Variants in HTR2A observed in about 807,000 individuals in gnomAD.
HTR2A encodes 5-hydroxytryptamine receptor 2A, also known as 5-HT2 receptor.
Under a neutral mutation model 31.0 loss-of-function variants are expected in HTR2A, and 14 were observed. The ratio of observed to expected loss-of-function variants is 0.45; its 90% CI spans 0.30 to 0.71. The LOEUF (loss-of-function observed/expected upper bound fraction) is 0.71. HTR2A is among the 30% of genes least tolerant of loss of function. The pLI, the probability that HTR2A is intolerant of heterozygous loss-of-function variation, is 0.09. For missense variants in HTR2A, 442 were observed against 573.3 expected (o/e 0.77, Z 2.34); for synonymous variants, 209 against 225.2 (o/e 0.93, Z 0.64).
rs1274149032 is a variant in HTR2A at position 46,895,582 on chromosome 13, T to G, written c.325A>C (p.Thr109Pro). 6.2e-7 allele frequency: 1 copy of G among 1,614,102 alleles called. No individual in the cohort carries two copies. Among genetic ancestry groups the G allele is most frequent in the Admixed American group, 1.7e-5 (1 of 60,012 alleles). Reference protein sequence around the residue: ...VSLEKKLQNATNYFLMSLAIA... With the variant: ...VSLEKKLQNAPNYFLMSLAIA... Reference sequence around the variant, plus strand: ...GCAAGTGACATCAGGAAATAGTTGGTGGCATTCTGCAGCTTTTTCTCTAGG... The same window carrying G: ...GCAAGTGACATCAGGAAATAGTTGGGGGCATTCTGCAGCTTTTTCTCTAGG... The change falls in exon 2 of 4, where the codon ACC (threonine) becomes CCC (proline). Residue 109 changes from threonine (T) to proline (P), a missense_variant. Thr to Pro is a conservative substitution (Grantham distance 38). This residue lies in a region of HTR2A where 86 missense variants were observed against 179.1 expected (regional missense o/e 0.48). Transcript: ENST00000542664. This position sits in a 1 kb window ranked among gnomAD's most constrained non-coding sequence, Gnocchi z 4.4.
intron 3 of HTR2A, among the ~76,000 whole-genome samples, chr13:46,849,739 T>C (rs1200202199): frequency 6.6e-6 from 1 of 152,226 alleles, no homozygotes; most frequent in Non-Finnish European, 1.5e-5. Flanking sequence ...TGAGTCACTC[T>C]GTAGCGGATT....
chr13:46,891,198 T>C lies in HTR2A; in HGVS notation c.613+1192A>G, dbSNP rs571305704. Among the ~76,000 whole-genome samples the C allele has an allele frequency of 6.6e-5, 10 of 152,314 alleles. No homozygotes were observed. The South Asian group carries it at 2.1e-3, about 32-fold the overall frequency. On this transcript the variant is annotated intron_variant, in intron 3 of 3. Transcript: ENST00000542664. The stretch of plus-strand genomic sequence containing the variant: ...TAGAATCTTCTATCTCAAACGGTAA[T>C]GGGAAATTTAAAATAGGAAGTAGGT...
intron 3 of HTR2A, among the ~76,000 whole-genome samples, chr13:46,866,993 T>A (rs184562825): frequency 6.6e-6 from 1 of 152,134 alleles, no homozygotes; most frequent in African/African-American, 2.4e-5. Context: ...GCCACTGCAC[T>A]CCAGCCTGGG....
chr13:46,880,540 A>G (rs1240990076), intron 3 of HTR2A, among the ~76,000 whole-genome samples: 13 of 152,276 alleles, frequency 8.5e-5, no homozygotes, highest in African/African-American at 2.9e-4. Context: ...CAGACTAACA[A>G]AAAATGAAGC....
intron 3 of HTR2A, among the ~76,000 whole-genome samples, chr13:46,882,229 T>TAA (rs10648117): frequency 0.8 from 118,727 of 148,590 alleles, 47,395 homozygotes; most frequent in East Asian, 0.86. Context: ...TCAGGGAAGT[T>TAA]AAAAAAAAAA....
At chr13:46,861,025 A>G (rs1388020280) in intron 3 of HTR2A, among the ~76,000 whole-genome samples, 2 of 152,242 alleles carry the variant, frequency 1.3e-5, no homozygotes, top group Non-Finnish European at 2.9e-5. Context: ...ATTACTTAAA[A>G]TTAGACTCAC....
At chr13:46,854,246 G>C (rs1950713950) in intron 3 of HTR2A, 1 of 152,204 alleles carries the variant, frequency 6.6e-6, no homozygotes, top group African/African-American at 2.4e-5. Context: ...GGGCTTTCAG[G>C]AGATGCCATA....
rs1279202300 is a variant in HTR2A at position 46,896,307 on chromosome 13, G to A, written c.-328-73C>T. On this transcript the variant is annotated intron_variant, in intron 1 of 3. Transcript: ENST00000542664. ...TATATCTCATTTTGTTGGTTATGCC[G>A]ATGGTACTAGTTTAGCAACAGTATT... 2.1e-5 allele frequency: 18 copies of A among 853,398 alleles called. No homozygotes were observed. In the South Asian group the frequency reaches 5.7e-4, roughly 27 times the overall value. 52.9% of individuals were successfully genotyped at this position (853,398 alleles called of 1,614,324 possible).
chr13:46,851,504 G>A (rs1217122057), intron 3 of HTR2A, among the ~76,000 whole-genome samples: 1 of 152,190 alleles, frequency 6.6e-6, no homozygotes, highest in Non-Finnish European at 1.5e-5. Context: ...ATTAGAATAA[G>A]TCAGACCAAA....
chr13:46,869,048 C>A (rs1469631738), intron 3 of HTR2A, among the ~76,000 whole-genome samples: 1 of 152,052 alleles, frequency 6.6e-6, no homozygotes, highest in Non-Finnish European at 1.5e-5. Flanking sequence ...GTAGATACGT[C>A]ACCAAAAGCA....
At chr13:46,835,663 C>T in intron 3 of HTR2A, 24 bp from the exon 4 acceptor site, 1 of 1,551,470 alleles carries the variant, frequency 6.4e-7, no homozygotes, top group Non-Finnish European at 8.8e-7. Flanking sequence ...GAAAATGAAA[C>T]ATGATTATTA....
intron 3 of HTR2A, among the ~76,000 whole-genome samples, chr13:46,858,870 G>A (rs1299496674): frequency 6.6e-6 from 1 of 152,160 alleles, no homozygotes; most frequent in Non-Finnish European, 1.5e-5. Flanking sequence ...GGAATGGCAA[G>A]GTACAGGTCT....
rs376652404 is a variant in HTR2A at position 46,832,269 on chromosome 13, A to G, written c.*2568T>C. On this transcript the variant is annotated 3_prime_UTR_variant, in exon 4 of 4. Coordinates refer to ENST00000542664, the MANE Select transcript of HTR2A (RefSeq NM_000621.5). ...TCACATTTAAATAAACATGATACAA[A>G]CATGCACACATGTGTATATACTGAG... 6.6e-6 allele frequency: 1 copy of G among 152,220 alleles called. No individual in the cohort carries two copies. The highest frequency in any genetic ancestry group is 1.5e-5 in the Non-Finnish European group (1 of 68,036). The allele number at this position is 152,220 out of a possible 1,614,324, so 9.4% of individuals were successfully genotyped here. A position where few individuals can be genotyped will look rare whatever the true frequency, so the allele number is the denominator to read the frequency against.
chr13:46,841,924 C>G (rs1405522903), intron 3 of HTR2A, among the ~76,000 whole-genome samples: 2 of 152,060 alleles, frequency 1.3e-5, no homozygotes, highest in African/African-American at 4.8e-5. Flanking sequence ...GAATCTGAAC[C>G]ATATAATATA....
intron 2 of HTR2A, among the ~76,000 whole-genome samples, chr13:46,893,533 CAGCCCAATTAAAT>C (rs1566321873): frequency 6.6e-6 from 1 of 152,194 alleles, no homozygotes; most frequent in Non-Finnish European, 1.5e-5. Context: ...ATGCCAAACC[CAGCCCAATTAAAT>C]CATGTTTGGA....
At chr13:46,897,319 T>C (rs1326345468), upstream of HTR2A, among the ~76,000 whole-genome samples, 1 of 152,160 alleles carries the variant, frequency 6.6e-6, no homozygotes, top group Non-Finnish European at 1.5e-5. Flanking sequence ...GAAAACAGTA[T>C]GTCCTCGGAG....
At position 46,835,418 on chromosome 13, in the gene HTR2A, C is replaced by G; in HGVS notation, c.835G>C (p.Ala279Pro). ...CTCTGAGGGAGGAAGCTGAAAGAAG[C>G]TAATTTGGCCCGTGTGCCAAGATCA... is the stretch of plus-strand genomic sequence containing the variant. ...VSDLGTRAKL[A>P]SFSFLPQSSL... Residue 279 changes from alanine to proline, a missense_variant, in exon 4 of 4, where the codon GCT becomes CCT. Ala to Pro is a conservative substitution (Grantham distance 27, BLOSUM62 -1). Around this residue, in one of 5 missense-constraint regions of HTR2A, gnomAD observed 174 missense variants for 195.1 expected, o/e 0.89. Transcript: ENST00000542664. 2 of 1,614,088 alleles carry G rather than the reference C, an allele frequency of 1.2e-6. No individual in the cohort carries two copies. The highest frequency in any genetic ancestry group is 1.7e-6 in the Non-Finnish European group (2 of 1,180,004).
In HTR2A at chr13:46,833,994, G is replaced by A. The variant is rs1876343073; in HGVS notation, c.*843C>T. ...GCATGCATGATGCAGTCATTTCACA[G>A]CAAGTTACCAAATACCTCGATAGTG... On this transcript the variant is annotated 3_prime_UTR_variant, in exon 4 of 4. Coordinates refer to ENST00000542664, the MANE Select transcript of HTR2A (RefSeq NM_000621.5). 6.6e-6 allele frequency: 1 copy of A among 152,202 alleles called. No individual in the cohort carries two copies. The highest frequency in any genetic ancestry group is 1.5e-5 in the Non-Finnish European group (1 of 68,032). 9.4% of individuals were successfully genotyped at this position (152,202 alleles called of 1,614,324 possible).
intron 3 of HTR2A, among the ~76,000 whole-genome samples, chr13:46,870,319 T>G (rs1950854978): frequency 6.6e-6 from 1 of 152,110 alleles, no homozygotes; most frequent in Non-Finnish European, 1.5e-5. Flanking sequence ...TGGTCAAGAC[T>G]AGAAACAGAA....
Sources: gnomAD v4.1 joint callset for allele counts (sites outside exome capture counted in the v4.1 genomes callset) on GRCh38, gnomAD v4.1.1 for gene constraint, gnomAD v4.1.1 regional missense constraint, Gnocchi (gnomAD v3.1) non-coding constraint, MANE v1.5 for transcripts, NCBI Gene and HGNC (gene_info 2026-07-23, HGNC 2026-07-21) for gene names.